BABAM2: variants seen among roughly 807,000 people sequenced by gnomAD.
BABAM2 encodes the protein BRISC and BRCA1 A complex member 2, also known as BRISC and BRCA1-A complex member 2.
BABAM2 carries 31 observed loss-of-function variants against 54.7 expected under a neutral mutation model. The ratio of observed to expected loss-of-function variants is 0.57; its 90% confidence interval spans 0.43 to 0.77. The LOEUF (loss-of-function observed/expected upper bound fraction) is 0.77. BABAM2 is among the 30% of genes least tolerant of loss of function. The probability of loss-of-function intolerance (pLI) is 0.00; values close to 1 mark genes in which losing one functional copy is unlikely to be tolerated. For missense variants in BABAM2, 364 were observed against 455.8 expected, an observed-to-expected ratio of 0.80 and a Z score of 1.83; for synonymous variants, 167 against 162.9, an observed-to-expected ratio of 1.03 and a Z score of -0.19.
intron 10 of BABAM2, among the ~76,000 whole-genome samples, chr2:28,268,949 A>G (rs1221308470): frequency 1.3e-5 from 2 of 152,250 alleles, no homozygotes; most frequent in East Asian, 1.9e-4. Context: ...CAAGTTTTAC[A>G]TATCTAAATT....
chr2:28,140,909 C>T (rs571552676), intron 7 of BABAM2, among the ~76,000 whole-genome samples: 12 of 152,278 alleles, frequency 7.9e-5, no homozygotes, highest in African/African-American at 2.9e-4. Context: ...GTTGCTAAAA[C>T]ATTCCAGATC....
chr2:28,219,081 C>G (rs1016786655), intron 7 of BABAM2, among the ~76,000 whole-genome samples: 2 of 152,224 alleles, frequency 1.3e-5, no homozygotes, highest in African/African-American at 4.8e-5. Flanking sequence ...TCTTACACTT[C>G]TGTAGAACAG....
chr2:28,191,739 G>T (rs1353325465), intron 7 of BABAM2, among the ~76,000 whole-genome samples: 1 of 152,124 alleles, frequency 6.6e-6, no homozygotes, highest in African/African-American at 2.4e-5. Context: ...GCAGAACAGT[G>T]GTTGCCTGGG....
intron 2 of BABAM2, among the ~76,000 whole-genome samples, chr2:27,917,595 G>A (rs1041878331): frequency 2.0e-5 from 3 of 151,988 alleles, no homozygotes; most frequent in Admixed American, 2.0e-4. Flanking sequence ...TGAGGCCTCC[G>A]TTTTATGACC....
rs142162610 is a variant in BABAM2, at chr2:28,227,562, T to C, written c.681-9640T>C. Among the ~76,000 whole-genome samples the C allele has an allele frequency of 1.9e-3, 291 of 152,326 alleles. 2 individuals are homozygous for C. Among genetic ancestry groups the C allele is most frequent in the African/African-American group, 6.7e-3 (278 of 41,568 alleles). The stretch of plus-strand genomic sequence containing the variant: ...GTACATCTGGCAGAAACCACCTTTT[T>C]TCTGGTAGTTTCAATAAATGTCTTA... On this transcript the variant is annotated intron_variant, in intron 7 of 11. Coordinates refer to ENST00000379624, the MANE Select transcript of BABAM2 (RefSeq NM_199191.3).
intron 6 of BABAM2, among the ~76,000 whole-genome samples, chr2:28,108,168 A>G (rs1410530781): frequency 6.6e-6 from 1 of 152,160 alleles, no homozygotes; most frequent in Non-Finnish European, 1.5e-5. Context: ...ACATATATAT[A>G]TATGGCAACA....
chr2:28,084,906 T>C (rs1199651372), intron 6 of BABAM2, among the ~76,000 whole-genome samples: 1 of 152,162 alleles, frequency 6.6e-6, no homozygotes, highest in Non-Finnish European at 1.5e-5. Context: ...ATAGAATGTG[T>C]ATTCAGGCAC....
At chr2:28,129,135 T>C (rs1426326860) in intron 6 of BABAM2, 136 bp from the exon 7 acceptor site, 3 of 763,902 alleles carry the variant, frequency 3.9e-6, no homozygotes, top group Non-Finnish European at 4.5e-6. Flanking sequence ...GTGGAAAGGA[T>C]GTGCAAAGCA....
rs1020872474 is a variant in BABAM2 at position 28,261,900 on chromosome 2, G to A, written c.934+17038G>A. Among the ~76,000 whole-genome samples the A allele has an allele frequency of 1.6e-4, 25 of 151,954 alleles. 1 individual carries two copies. The highest frequency in any genetic ancestry group is 1.2e-3 in the Admixed American group (18 of 15,248). On this transcript the variant is annotated intron_variant, in intron 10 of 11. Coordinates refer to ENST00000379624, the MANE Select transcript of BABAM2 (RefSeq NM_199191.3). ...GTATTTGAGGACCTGCTTTGGTTCC[G>A]GTACTGTCAAGACTCAGGGATACCA...
chr2:28,153,686 G>C (rs1432018659), intron 7 of BABAM2, among the ~76,000 whole-genome samples: 1 of 152,206 alleles, frequency 6.6e-6, no homozygotes, highest in Admixed American at 6.5e-5. Flanking sequence ...CTTGTTAACA[G>C]TGTAGACTCC....
intron 11 of BABAM2, among the ~76,000 whole-genome samples, chr2:28,321,167 G>A (rs1200211178): frequency 6.6e-6 from 1 of 151,974 alleles, no homozygotes; most frequent in Non-Finnish European, 1.5e-5. Flanking sequence ...GGAGGGGTGG[G>A]CAGGAAGGAA....
At chr2:28,243,943 C>T (rs1245596743) in intron 9 of BABAM2, among the ~76,000 whole-genome samples, 1 of 152,068 alleles carries the variant, frequency 6.6e-6, no homozygotes, top group East Asian at 1.9e-4. Context: ...CAGAGTCCTC[C>T]TTGTATGGAT....
chr2:28,316,710 C>T (rs982821109), intron 11 of BABAM2, among the ~76,000 whole-genome samples: 9 of 152,162 alleles, frequency 5.9e-5, no homozygotes, highest in African/African-American at 7.2e-5. Context: ...TTGCTCACAG[C>T]GGGAACTTGA....
intron 7 of BABAM2, among the ~76,000 whole-genome samples, chr2:28,218,876 A>C (rs936479762): frequency 6.6e-6 from 1 of 152,158 alleles, no homozygotes; most frequent in Non-Finnish European, 1.5e-5. Context: ...TATGTGTTTC[A>C]GAGGGGATTT....
At position 28,147,664 on chromosome 2, in the gene BABAM2, G is replaced by A. The variant is rs187377175; in HGVS notation, c.680+18284G>A. On this transcript the variant is annotated intron_variant, in intron 7 of 11. Transcript: ENST00000379624. ...AATTTTTTGTATTTTTAATAGAGAC[G>A]GGGTTTCACTGTGTTAGCCAGGATG... 4.4e-3 allele frequency among the ~76,000 whole-genome samples: 663 copies of A among 152,072 alleles called. 7 individuals carry two copies. The highest frequency in any genetic ancestry group is 0.015 in the African/African-American group (627 of 41,478).
At chr2:28,199,345 C>T (rs1677996855) in intron 7 of BABAM2, among the ~76,000 whole-genome samples, 1 of 152,192 alleles carries the variant, frequency 6.6e-6, no homozygotes, top group African/African-American at 2.4e-5. Context: ...GTAAGTGCCA[C>T]CTAGCCCTTC....
chr2:27,963,469 C>CAAAAAAAAAA (rs760525051), intron 3 of BABAM2, among the ~76,000 whole-genome samples: 43 of 54,372 alleles, frequency 7.9e-4, no homozygotes, highest in South Asian at 1.5e-3. Flanking sequence ...GACTCTTTCT[C>CAAAAAAAAAA]AAAAAAAAAA....
intron 10 of BABAM2, among the ~76,000 whole-genome samples, chr2:28,291,480 G>A (rs1687277554): frequency 6.6e-6 from 1 of 151,958 alleles, no homozygotes; most frequent in East Asian, 1.9e-4. Flanking sequence ...TGTAATCCTA[G>A]CTACTCGGGA....
At position 28,317,117 on chromosome 2, in the gene BABAM2, C is replaced by T. The variant is rs529564035; in HGVS notation, c.1088+18626C>T. Reference sequence around the variant, plus strand: ...TGCTTTGACCCTCCTCTCCTAACAGCGAGCAGGACCACTGCTGCTAGGAGC... The same window carrying T: ...TGCTTTGACCCTCCTCTCCTAACAGTGAGCAGGACCACTGCTGCTAGGAGC... On this transcript the variant is annotated intron_variant, in intron 11 of 11. Coordinates refer to ENST00000379624, the MANE Select transcript of BABAM2 (RefSeq NM_199191.3). 9.2e-5 allele frequency among the ~76,000 whole-genome samples: 14 copies of T among 152,280 alleles called. No homozygotes were observed. The South Asian group carries it at 2.5e-3, about 27-fold the overall frequency.
Sources: gnomAD v4.1 joint callset for allele counts (sites outside exome capture counted in the v4.1 genomes callset) on GRCh38, gnomAD v4.1.1 for gene constraint, MANE v1.5 for transcripts, NCBI Gene and HGNC (gene_info 2026-07-23, HGNC 2026-07-21) for gene names.